VPS41: variants seen among roughly 807,000 people sequenced by gnomAD.
The protein encoded by VPS41 is VPS41 subunit of HOPS complex, also known as vacuolar protein sorting-associated protein 41 homolog.
VPS41 carries 85 observed loss-of-function variants against 130.9 expected under a neutral mutation model. The observed-to-expected ratio is 0.65, with a 90% CI of 0.55 to 0.78. VPS41 has a LOEUF of 0.78. Ranked by LOEUF, VPS41 falls within the 30% of genes least tolerant of loss-of-function variation. VPS41 has a pLI of 0.00. For missense variants in VPS41, 874 were observed against 1,018.7 expected, an observed-to-expected ratio of 0.86 and a Z score of 1.93; for synonymous variants, 335 against 332.9, an observed-to-expected ratio of 1.01 and a Z score of -0.07.
At chr7:38,844,971 G>A (rs971765969) in intron 4 of VPS41, among the ~76,000 whole-genome samples, 2 of 152,152 alleles carry the variant, frequency 1.3e-5, no homozygotes, top group African/African-American at 4.8e-5. Flanking sequence ...GCAGGGGCAC[G>A]GAACGGCCTT....
intron 10 of VPS41, 110 bp from the exon 11 acceptor site, chr7:38,776,886 C>A: frequency 3.5e-6 from 2 of 578,892 alleles, no homozygotes; most frequent in South Asian, 5.0e-5. Flanking sequence ...TAAAAGCTAA[C>A]GTAAAGGGGA....
intron 25 of VPS41, among the ~76,000 whole-genome samples, chr7:38,731,937 T>C (rs2115563535): frequency 6.6e-6 from 1 of 152,332 alleles, no homozygotes; most frequent in Middle Eastern, 3.4e-3. Flanking sequence ...TTCCTGCTCC[T>C]TCTTTTCAAA....
At chr7:38,887,993 A>G (rs2116403934) in intron 2 of VPS41, among the ~76,000 whole-genome samples, 1 of 152,346 alleles carries the variant, frequency 6.6e-6, no homozygotes, top group East Asian at 1.9e-4. Flanking sequence ...AGATTTCATC[A>G]CCATCAGGCC....
chr7:38,884,782 G>A (rs955297584), intron 2 of VPS41, among the ~76,000 whole-genome samples: 6 of 152,136 alleles, frequency 3.9e-5, no homozygotes, highest in East Asian at 3.8e-4. Flanking sequence ...ATTTAGTTGC[G>A]TTCACAAATC....
At chr7:38,845,012 T>C (rs1422489744) in intron 4 of VPS41, among the ~76,000 whole-genome samples, 2 of 152,156 alleles carry the variant, frequency 1.3e-5, no homozygotes, top group East Asian at 3.9e-4. Flanking sequence ...TAGATAGACA[T>C]TGGTTTTCTA....
intron 25 of VPS41, among the ~76,000 whole-genome samples, chr7:38,730,419 G>C (rs1176717093): frequency 1.3e-5 from 2 of 152,014 alleles, no homozygotes; most frequent in Non-Finnish European, 2.9e-5. Flanking sequence ...TTAATATTCA[G>C]GAAAACAAAA....
In VPS41 at chr7:38,874,670, A is replaced by G. The variant is rs138059536; in HGVS notation, c.61-5417T>C. Among the ~76,000 whole-genome samples the G allele has an allele frequency of 9.8e-3, 1,492 of 152,308 alleles. 23 individuals are homozygous for G. Among genetic ancestry groups the G allele is most frequent in the African/African-American group, 0.034 (1,395 of 41,566 alleles). ...ACTAATATCCTCAAAAGAAATTCAC[A>G]CACAAACACACACAAAAAAAACCTT... On this transcript the variant is annotated intron_variant, in intron 2 of 28. Transcript: ENST00000310301.
At chr7:38,826,221 G>T (rs1225355948) in intron 5 of VPS41, among the ~76,000 whole-genome samples, 1 of 152,138 alleles carries the variant, frequency 6.6e-6, no homozygotes, top group South Asian at 2.1e-4. Flanking sequence ...GAACTAAGGG[G>T]ATTCTAAAAT....
intron 25 of VPS41, among the ~76,000 whole-genome samples, chr7:38,732,522 G>C (rs1241803532): frequency 1.3e-5 from 2 of 151,960 alleles, no homozygotes; most frequent in Non-Finnish European, 2.9e-5. Flanking sequence ...AAATTCTTTG[G>C]ATATTTTGAT....
intron 7 of VPS41, among the ~76,000 whole-genome samples, chr7:38,805,515 G>C (rs965666107): frequency 1.3e-5 from 2 of 151,068 alleles, no homozygotes; most frequent in African/African-American, 2.4e-5. Flanking sequence ...CCTGGCAACA[G>C]AGTGAGAGTC....
At chr7:38,770,292 A>T (rs1241493370) in intron 14 of VPS41, among the ~76,000 whole-genome samples, 2 of 150,904 alleles carry the variant, frequency 1.3e-5, no homozygotes, top group Non-Finnish European at 2.9e-5. Context: ...AAAAGCCTTC[A>T]ACTGCCCACA....
chr7:38,879,839 G>T (rs778403114), intron 2 of VPS41, among the ~76,000 whole-genome samples: 1 of 150,758 alleles, frequency 6.6e-6, no homozygotes, highest in Admixed American at 6.6e-5. Flanking sequence ...AAATAGGTAT[G>T]AGATGTAAGG....
chr7:38,880,007 G>A lies in VPS41; in HGVS notation c.61-10754C>T, dbSNP rs113158151. Among the ~76,000 whole-genome samples, 937 of 152,030 alleles carry A rather than the reference G, an allele frequency of 6.2e-3. 8 individuals carry two copies. The highest frequency in any genetic ancestry group is 0.024 in the Middle Eastern group (7 of 294). ...TTTTGCCATTTCTACCATATGCAGC[G>A]CATATACACTGTACTAGTTACTTAA... On this transcript the variant is annotated intron_variant, in intron 2 of 28. Coordinates refer to ENST00000310301, the MANE Select transcript of VPS41 (RefSeq NM_014396.4).
At chr7:38,869,337 C>A in intron 2 of VPS41, 84 bp from the exon 3 acceptor site, 2 of 864,388 alleles carry the variant, frequency 2.3e-6, no homozygotes, top group Non-Finnish European at 1.8e-6. Flanking sequence ...ACGAGAGAAC[C>A]AGAGATGGTT....
intron 21 of VPS41, among the ~76,000 whole-genome samples, chr7:38,753,897 C>A (rs971742116): frequency 6.6e-6 from 1 of 152,180 alleles, no homozygotes; most frequent in East Asian, 1.9e-4. Flanking sequence ...AAAAAATGCT[C>A]TATTCCCTAA....
chr7:38,843,362 G>A (rs561427040), intron 4 of VPS41, among the ~76,000 whole-genome samples: 5 of 152,198 alleles, frequency 3.3e-5, no homozygotes, highest in South Asian at 2.1e-4. Flanking sequence ...TTCTTATGAC[G>A]TTTTAAAGAT....
intron 25 of VPS41, among the ~76,000 whole-genome samples, chr7:38,731,850 T>C (rs1398130082): frequency 5.3e-5 from 8 of 152,170 alleles, no homozygotes; most frequent in Admixed American, 4.6e-4. Context: ...TCTGTTGATA[T>C]TTTCCCACGT....
At chr7:38,840,521 A>T (rs1273652596) in intron 4 of VPS41, among the ~76,000 whole-genome samples, 2 of 152,236 alleles carry the variant, frequency 1.3e-5, no homozygotes, top group Non-Finnish European at 2.9e-5. Context: ...AAATCCTACA[A>T]GAAAAAATAA....
intron 4 of VPS41, among the ~76,000 whole-genome samples, chr7:38,843,673 C>T (rs898600906): frequency 3.3e-5 from 5 of 149,962 alleles, no homozygotes; most frequent in Admixed American, 6.6e-5. Context: ...AAGAGTGAGA[C>T]TCCGTCTCAA....
Sources: gnomAD v4.1 joint callset for allele counts (sites outside exome capture counted in the v4.1 genomes callset) on GRCh38, gnomAD v4.1.1 for gene constraint, MANE v1.5 for transcripts, NCBI Gene and HGNC (gene_info 2026-07-23, HGNC 2026-07-21) for gene names.